The following PIERCE1 variants were observed in gnomAD, a reference collection of about 807,000 sequenced individuals.
The protein encoded by PIERCE1 is piercer of microtubule wall 1 protein.
the PIERCE1 span, chr9:135,495,447 T>G: frequency 6.2e-7 from 1 of 1,613,878 alleles, no homozygotes; most frequent in East Asian, 2.2e-5. Flanking sequence ...ATGGATGGCC[T>G]GTTGATGTTG....
At chr9:135,499,677 CG>C in the PIERCE1 span, 2 of 1,604,778 alleles carry the variant, frequency 1.2e-6, no homozygotes, top group South Asian at 2.2e-5. Flanking sequence ...GAGCAGTGGA[CG>C]CCAGGACCAG....
chr9:135,498,973 A>C, the PIERCE1 span: 2 of 350,722 alleles, frequency 5.7e-6, no homozygotes, highest in South Asian at 3.4e-5. This position sits in a 1 kb window ranked among gnomAD's most constrained non-coding sequence, Gnocchi z 4.1. Context: ...ACATGCTGCA[A>C]TTTCTGGGTA....
At chr9:135,499,800 T>C in the PIERCE1 span, 2 of 1,603,900 alleles carry the variant, frequency 1.2e-6, no homozygotes, top group Non-Finnish European at 1.7e-6. Context: ...GGCGGGGCCG[T>C]GGCCTTGGGC....
the PIERCE1 span, chr9:135,498,878 T>TG: frequency 1.8e-6 from 1 of 567,516 alleles, no homozygotes; most frequent in Non-Finnish European, 3.2e-6. The surrounding 1 kb of genome is among the most constrained non-coding windows in gnomAD (Gnocchi z 4.1). Flanking sequence ...TGCTTGCCAC[T>TG]GTCCCTGCTC....
the PIERCE1 span, among the ~76,000 whole-genome samples, chr9:135,499,263 G>A: frequency 2.0e-5 from 3 of 152,256 alleles, no homozygotes; most frequent in African/African-American, 7.2e-5. Flanking sequence ...GGGACCAAAT[G>A]TGTGATGAGC....
the PIERCE1 span, among the ~76,000 whole-genome samples, chr9:135,496,415 C>T: frequency 3.9e-4 from 59 of 152,330 alleles, no homozygotes; most frequent in Non-Finnish European, 7.8e-4. Flanking sequence ...ATTCCTGAAG[C>T]GAGTGGTCTG....
chr9:135,498,475 G>C, the PIERCE1 span: 13 of 878,910 alleles, frequency 1.5e-5, no homozygotes, highest in African/African-American at 1.2e-4. This position sits in a 1 kb window ranked among gnomAD's most constrained non-coding sequence, Gnocchi z 4.1. Flanking sequence ...TCCTCCCTGG[G>C]TGCACCCCTC....
the PIERCE1 span, chr9:135,498,702 C>G: frequency 6.4e-7 from 1 of 1,568,750 alleles, no homozygotes. The surrounding 1 kb of genome is among the most constrained non-coding windows in gnomAD (Gnocchi z 4.1). Context: ...TTCATTTACT[C>G]TAATTCTGCA....
chr9:135,495,543 G>A, the PIERCE1 span: 37 of 1,614,058 alleles, frequency 2.3e-5, no homozygotes, highest in Non-Finnish European at 3.1e-5. Context: ...TAAACATTGA[G>A]AGTATTGTTC....
the PIERCE1 span, among the ~76,000 whole-genome samples, chr9:135,497,726 T>C: frequency 2.6e-5 from 4 of 152,198 alleles, no homozygotes; most frequent in African/African-American, 9.7e-5. Flanking sequence ...CATCCAGCTG[T>C]GTCTGGTCTT....
chr9:135,496,878 A>C, the PIERCE1 span, among the ~76,000 whole-genome samples: 4 of 149,328 alleles, frequency 2.7e-5, no homozygotes, highest in Non-Finnish European at 5.9e-5. Flanking sequence ...GCTCACTGCA[A>C]CCTTCGCCTC....
chr9:135,496,210 G>A, the PIERCE1 span, among the ~76,000 whole-genome samples: 2 of 152,144 alleles, frequency 1.3e-5, no homozygotes, highest in African/African-American at 2.4e-5. Flanking sequence ...CCAGCTACTC[G>A]GGAGGCTGAG....
chr9:135,499,592 T>C, the PIERCE1 span: 1 of 1,374,078 alleles, frequency 7.3e-7, no homozygotes, highest in Non-Finnish European at 1.0e-6. Flanking sequence ...GGGCCCCGGA[T>C]GACCACTCGA....
chr9:135,497,231 G>A, the PIERCE1 span, among the ~76,000 whole-genome samples: 1 of 152,296 alleles, frequency 6.6e-6, no homozygotes, highest in East Asian at 1.9e-4. Context: ...AGAAGGAGGA[G>A]AACCTCCTTG....
chr9:135,499,821 C>G, the PIERCE1 span: 52 of 1,602,082 alleles, frequency 3.2e-5, no homozygotes, highest in Non-Finnish European at 3.9e-5. Context: ...GCCACAGGCT[C>G]CGCGCACGCT....
the PIERCE1 span, chr9:135,498,688 T>G: frequency 6.3e-7 from 1 of 1,595,144 alleles, no homozygotes; most frequent in African/African-American, 1.3e-5. This position sits in a 1 kb window ranked among gnomAD's most constrained non-coding sequence, Gnocchi z 4.1. Context: ...ACACTCTATT[T>G]TCATTCATTT....
At chr9:135,498,674 AG>A in the PIERCE1 span, 3 of 1,611,010 alleles carry the variant, frequency 1.9e-6, no homozygotes, top group Non-Finnish European at 2.5e-6. The surrounding 1 kb of genome is among the most constrained non-coding windows in gnomAD (Gnocchi z 4.1). Flanking sequence ...CTGGTAGATG[AG>A]AAACACTCTA....
the PIERCE1 span, chr9:135,499,470 A>G: frequency 1.4e-6 from 1 of 707,144 alleles, no homozygotes; most frequent in Non-Finnish European, 2.6e-6. Context: ...AGCTGAGACC[A>G]CAACTGGGCT....
the PIERCE1 span, chr9:135,499,544 G>A: frequency 1.1e-6 from 1 of 949,100 alleles, no homozygotes. Context: ...AGGCTCTAGG[G>A]AGCACGGTCG....
Sources: gnomAD v4.1 joint callset for allele counts (sites outside exome capture counted in the v4.1 genomes callset) on GRCh38, gnomAD v4.1.1 for gene constraint, Gnocchi (gnomAD v3.1) non-coding constraint, MANE v1.5 for transcripts, NCBI Gene and HGNC (gene_info 2026-07-23, HGNC 2026-07-21) for gene names.